MAN1A1: variants seen among roughly 807,000 people sequenced by gnomAD.
The protein encoded by MAN1A1 is mannosidase alpha class 1A member 1, also known as mannosyl-oligosaccharide 1,2-alpha-mannosidase IA.
A neutral mutation model predicts 70.8 loss-of-function variants in MAN1A1; 29 were observed. The observed-to-expected ratio is 0.41, with a 90% CI of 0.31 to 0.56. The LOEUF is 0.56. MAN1A1 is among the 20% of genes least tolerant of loss of function. The pLI is 0.29. For missense variants in MAN1A1, 747 were observed against 841.3 expected (o/e 0.89, Z 1.39); for synonymous variants, 349 against 330.1 (o/e 1.06, Z -0.62).
chr6:119,223,066 A>C (rs1389379216), intron 6 of MAN1A1, among the ~76,000 whole-genome samples: 2 of 152,186 alleles, frequency 1.3e-5, no homozygotes, highest in African/African-American at 4.8e-5. Context: ...GAAGGGAAGA[A>C]ATAAGAAACA....
intron 5 of MAN1A1, among the ~76,000 whole-genome samples, chr6:119,260,287 C>T (rs1400301885): frequency 1.3e-5 from 2 of 152,314 alleles, no homozygotes; most frequent in East Asian, 3.9e-4. Flanking sequence ...TCACTGGATA[C>T]ATTTCTGTAA....
intron 2 of MAN1A1, 23 bp downstream of exon 2, chr6:119,348,440 G>A: frequency 6.4e-7 from 1 of 1,555,056 alleles, no homozygotes; most frequent in South Asian, 1.2e-5. Flanking sequence ...GGTCGGGAGG[G>A]ATTTCTGGCG....
intron 4 of MAN1A1, among the ~76,000 whole-genome samples, chr6:119,293,668 T>A (rs1772115673): frequency 6.6e-6 from 1 of 152,170 alleles, no homozygotes; most frequent in African/African-American, 2.4e-5. Context: ...AACCTTAATT[T>A]GAGGTCTCTT....
At chr6:119,196,657 T>A (rs898578977) in intron 8 of MAN1A1, among the ~76,000 whole-genome samples, 3 of 152,128 alleles carry the variant, frequency 2.0e-5, no homozygotes. Context: ...ATTTCTAATA[T>A]CTAAAAAAGA....
chr6:119,311,786 C>T (rs1772713892), intron 2 of MAN1A1, among the ~76,000 whole-genome samples: 1 of 152,050 alleles, frequency 6.6e-6, no homozygotes, highest in South Asian at 2.1e-4. Flanking sequence ...TATCAGAAGA[C>T]CTTGAAGGGC....
chr6:119,252,629 T>C (rs1775351443), intron 5 of MAN1A1, among the ~76,000 whole-genome samples: 1 of 151,942 alleles, frequency 6.6e-6, no homozygotes, highest in Non-Finnish European at 1.5e-5. Flanking sequence ...CCGTCTCTAC[T>C]AAAAATACAA....
chr6:119,333,665 A>T (rs1488019711), intron 2 of MAN1A1, among the ~76,000 whole-genome samples: 1 of 152,262 alleles, frequency 6.6e-6, no homozygotes, highest in Non-Finnish European at 1.5e-5. Flanking sequence ...CTATTACCAG[A>T]TCAGTCAAAA....
At chr6:119,254,292 C>CCA (rs1775404330) in intron 5 of MAN1A1, among the ~76,000 whole-genome samples, 1 of 152,224 alleles carries the variant, frequency 6.6e-6, no homozygotes, top group Non-Finnish European at 1.5e-5. Flanking sequence ...GGTCCTTGGA[C>CCA]TGGCTGTACT....
chr6:119,192,574 T>C (rs1773469391), intron 9 of MAN1A1, among the ~76,000 whole-genome samples: 1 of 152,214 alleles, frequency 6.6e-6, no homozygotes, highest in South Asian at 2.1e-4. Flanking sequence ...GAAAGACCAA[T>C]TTTATAATGG....
chr6:119,292,457 G>C (rs2114421752), intron 4 of MAN1A1, among the ~76,000 whole-genome samples: 1 of 152,084 alleles, frequency 6.6e-6, no homozygotes, highest in Non-Finnish European at 1.5e-5. Context: ...TGTCCTAGGT[G>C]ATAGGGAAAT....
chr6:119,194,010 T>C, intron 8 of MAN1A1, 118 bp from the exon 9 acceptor site: 2 of 596,098 alleles, frequency 3.4e-6, no homozygotes, highest in Non-Finnish European at 6.0e-6. Context: ...CTGTTACATT[T>C]AAATTCCAAC....
At chr6:119,284,018 A>G (rs1776289702) in intron 5 of MAN1A1, among the ~76,000 whole-genome samples, 1 of 152,144 alleles carries the variant, frequency 6.6e-6, no homozygotes, top group Non-Finnish European at 1.5e-5. Flanking sequence ...AAACCGACCA[A>G]CCAGAACATC....
Position 119,243,445 on chromosome 6 carries a change from C to CT in MAN1A1, c.992+4814dup. ...AAACATAGGGAGATATAGGAAAACA[C>CT]TTTAACAATATTTAACCTATCAGAT... On this transcript the variant is annotated intron_variant, in intron 6 of 12. Coordinates refer to ENST00000368468, the MANE Select transcript of MAN1A1 (RefSeq NM_005907.4). Among the ~76,000 whole-genome samples the CT allele has an allele frequency of 2.0e-5, 3 of 152,138 alleles. No homozygotes were observed. The East Asian group carries it at 5.8e-4, about 29-fold the overall frequency.
chr6:119,321,925 T>A lies in MAN1A1; in HGVS notation c.604-14933A>T, dbSNP rs200617297. ...TGAGCCACCGCCCCGGCCCTGCAAA[T>A]GTTTACTTTGAGCAATGGTAAAAAT... is the stretch of plus-strand genomic sequence containing the variant. On this transcript the variant is annotated intron_variant, in intron 2 of 12. Coordinates refer to ENST00000368468, the MANE Select transcript of MAN1A1 (RefSeq NM_005907.4). Among the ~76,000 whole-genome samples the A allele has an allele frequency of 2.6e-5, 4 of 152,132 alleles. No individual in the cohort carries two copies. In the East Asian group the frequency reaches 7.7e-4, roughly 29 times the overall value.
intron 6 of MAN1A1, among the ~76,000 whole-genome samples, chr6:119,209,726 G>A (rs147254214): frequency 6.6e-6 from 1 of 152,240 alleles, no homozygotes; most frequent in Non-Finnish European, 1.5e-5. Context: ...TTTGCACAGT[G>A]CTGATCTTTC....
chr6:119,345,512 G>A (rs529631683), intron 2 of MAN1A1, among the ~76,000 whole-genome samples: 5 of 152,304 alleles, frequency 3.3e-5, no homozygotes, highest in African/African-American at 1.2e-4. Flanking sequence ...CATCAAATCA[G>A]TAGTGGAAAG....
intron 6 of MAN1A1, among the ~76,000 whole-genome samples, chr6:119,240,966 C>T (rs984817883): frequency 1.3e-5 from 2 of 152,124 alleles, no homozygotes; most frequent in Admixed American, 6.5e-5. Flanking sequence ...CTTCACAGTA[C>T]CCTTAGGTAC....
chr6:119,348,762 C>A lies in MAN1A1; in HGVS notation c.304G>T (p.Ala102Ser). ...ARAEDAAEGRARRREEGAPGD... is the reference protein window; with the variant it reads ...ARAEDAAEGRSRRREEGAPGD... ...GGTGCCCCCTCCTCGCGGCGCCGGG[C>A]TCGCCCCTCGGCCGCGTCCTCGGCG... Residue 102 changes from alanine (A) to serine (S), a missense_variant, in exon 2 of 13, where the codon GCC becomes TCC. Around this residue, in one of 2 missense-constraint regions of MAN1A1, gnomAD observed 328 missense variants for 293.1 expected, o/e 1.12. Coordinates refer to ENST00000368468, the MANE Select transcript of MAN1A1 (RefSeq NM_005907.4). The A allele has an allele frequency of 6.5e-7, 1 of 1,539,472 alleles. No homozygotes were observed. The highest frequency in any genetic ancestry group is 8.7e-7 in the Non-Finnish European group (1 of 1,146,480).
rs1773044864 is a variant in MAN1A1, at chr6:119,177,794, T to C, written c.*2025A>G. On this transcript the variant is annotated 3_prime_UTR_variant, in exon 13 of 13. Transcript: ENST00000368468. ...CACACCAGGACACCAAGGTACCTCA[T>C]AGTGCAGTGTGTACACACAACCTGA... 1 of 152,076 alleles carries C rather than the reference T, an allele frequency of 6.6e-6. No individual in the cohort carries two copies. Among genetic ancestry groups the C allele is most frequent in the Non-Finnish European group, 1.5e-5 (1 of 67,940 alleles). The allele number at this position is 152,076 out of a possible 1,614,324, so 9.4% of individuals were successfully genotyped here. A position where few individuals can be genotyped will look rare whatever the true frequency, so the allele number is the denominator to read the frequency against.
Sources: allele counts gnomAD v4.1 joint callset (sites outside exome capture counted in the v4.1 genomes callset), GRCh38; gene constraint gnomAD v4.1.1; regional missense constraint gnomAD v4.1.1; transcripts MANE v1.5; gene names NCBI Gene and HGNC (gene_info 2026-07-23, HGNC 2026-07-21).